ABCA1: variants seen among roughly 807,000 people sequenced by gnomAD.
ABCA1 encodes the protein phospholipid-transporting ATPase ABCA1.
Under a neutral mutation model 262.5 loss-of-function variants are expected in ABCA1, and 133 were observed. The observed-to-expected ratio is 0.51, with a 90% CI of 0.44 to 0.59. ABCA1 has a LOEUF of 0.59. Ranked by LOEUF, ABCA1 falls within the 20% of genes least tolerant of loss-of-function variation. The probability of loss-of-function intolerance (pLI) is 0.00; values close to 1 mark genes in which losing one functional copy is unlikely to be tolerated. For synonymous variants in ABCA1, 1,022 were observed against 1,043.5 expected, an observed-to-expected ratio of 0.98 and a Z score of 0.40; for missense variants, 2,452 against 2,777.5, an observed-to-expected ratio of 0.88 and a Z score of 2.63.
chr9:104,844,067 C>T (rs966581949), intron 8 of ABCA1, among the ~76,000 whole-genome samples: 5 of 148,780 alleles, frequency 3.4e-5, no homozygotes, highest in Admixed American at 1.3e-4. Flanking sequence ...TAAGTGAAAA[C>T]AGCTGTAACC....
At chr9:104,813,827 T>C (rs941589093) in intron 27 of ABCA1, among the ~76,000 whole-genome samples, 2 of 152,238 alleles carry the variant, frequency 1.3e-5, no homozygotes, top group African/African-American at 4.8e-5. Context: ...AAACACCTAA[T>C]GTATACAAGA....
intron 21 of ABCA1, 33 bp downstream of exon 21, chr9:104,819,894 G>C (rs1832154254): frequency 3.7e-6 from 6 of 1,610,126 alleles, no homozygotes; most frequent in Middle Eastern, 1.8e-4. Flanking sequence ...AGGAGGAGGG[G>C]AGAGGGATAG....
intron 3 of ABCA1, 62 bp downstream of exon 3, chr9:104,889,040 C>T (rs761122329): frequency 2.1e-6 from 3 of 1,449,826 alleles, no homozygotes; most frequent in African/African-American, 1.4e-5. Context: ...ATTTAGCCCA[C>T]GTTAATTGCC....
chr9:104,885,190 C>G (rs912218530), intron 3 of ABCA1, among the ~76,000 whole-genome samples: 12 of 152,092 alleles, frequency 7.9e-5, no homozygotes, highest in Admixed American at 7.9e-4. Flanking sequence ...GAGCCAAGAT[C>G]GCGCCATTTC....
intron 4 of ABCA1, among the ~76,000 whole-genome samples, chr9:104,884,013 T>A (rs1400927450): frequency 2.6e-5 from 4 of 152,188 alleles, no homozygotes; most frequent in Non-Finnish European, 5.9e-5. Flanking sequence ...GGTGACCTGA[T>A]GCAGAGAAGA....
chr9:104,897,541 AG>A (rs1840323994), intron 2 of ABCA1, among the ~76,000 whole-genome samples: 1 of 152,254 alleles, frequency 6.6e-6, no homozygotes, highest in Non-Finnish European at 1.5e-5. Context: ...CACAGCTATC[AG>A]GAATGTCAAA....
At chr9:104,819,160 A>G (rs146678003) in intron 22 of ABCA1, among the ~76,000 whole-genome samples, 269 of 152,270 alleles carry the variant, frequency 1.8e-3, no homozygotes, top group African/African-American at 6.2e-3. Context: ...ATTTAATTTA[A>G]TCCTCTATGA....
chr9:104,889,755 C>G (rs1839546267), intron 2 of ABCA1, among the ~76,000 whole-genome samples: 1 of 152,172 alleles, frequency 6.6e-6, no homozygotes, highest in African/African-American at 2.4e-5. Context: ...TCTAATTGCA[C>G]ACAAAGCTGC....
At chr9:104,801,171 G>A (rs1830303160) in intron 34 of ABCA1, among the ~76,000 whole-genome samples, 1 of 151,032 alleles carries the variant, frequency 6.6e-6, no homozygotes. Context: ...AGCAAAGTAT[G>A]TTTGAAACCC....
chr9:104,835,867 C>T (rs1244162763), intron 11 of ABCA1, among the ~76,000 whole-genome samples: 1 of 152,132 alleles, frequency 6.6e-6, no homozygotes, highest in Non-Finnish European at 1.5e-5. Context: ...ATCTACTTGC[C>T]CACAAATCAA....
intron 11 of ABCA1, among the ~76,000 whole-genome samples, chr9:104,833,488 T>C (rs1396148112): frequency 6.6e-6 from 1 of 152,166 alleles, no homozygotes; most frequent in African/African-American, 2.4e-5. Flanking sequence ...GTGAGTATCC[T>C]TTAATATTTC....
intron 7 of ABCA1, chr9:104,855,496 T>C (rs1230284644): frequency 1.7e-6 from 1 of 601,878 alleles, no homozygotes; most frequent in African/African-American, 1.9e-5. Context: ...TGAGCCACTG[T>C]GCCTGGCTGA....
intron 2 of ABCA1, among the ~76,000 whole-genome samples, chr9:104,894,096 A>G (rs1391713682): frequency 6.6e-6 from 1 of 152,018 alleles, no homozygotes; most frequent in Non-Finnish European, 1.5e-5. Flanking sequence ...ATCTACTGAC[A>G]CTTAAGTGTG....
chr9:104,830,638 C>T lies in ABCA1; in HGVS notation c.1892+287G>A, dbSNP rs907387076. ...CCGGGAGGCAAAGGTTGCAGTGAGC[C>T]GAGATCGAGCCACTGCACTCCAGCC... On this transcript the variant is annotated intron_variant, in intron 14 of 49. Coordinates refer to ENST00000374736, the MANE Select transcript of ABCA1 (RefSeq NM_005502.4). Among the ~76,000 whole-genome samples, 6 of 151,356 alleles carry T rather than the reference C, an allele frequency of 4.0e-5. No individual in the cohort carries two copies. The South Asian group carries it at 6.3e-4, about 16-fold the overall frequency.
chr9:104,883,163 A>C lies in ABCA1; in HGVS notation c.303-6T>G. 6.2e-7 allele frequency: 1 copy of C among 1,612,458 alleles called. No homozygotes were observed. Among genetic ancestry groups the C allele is most frequent in the Non-Finnish European group, 8.5e-7 (1 of 1,178,776 alleles). On this transcript the variant is annotated splice_region_variant and splice_polypyrimidine_tract_variant and intron_variant, in intron 4 of 49. Transcript: ENST00000374736. ...CTGAGAACAGGCGAGCCACACTGTA[A>C]AGGGTGCAAGAAAAGGCGAAAGGCT...
chr9:104,872,505 A>G (rs1837711804), intron 5 of ABCA1, among the ~76,000 whole-genome samples: 1 of 152,222 alleles, frequency 6.6e-6, no homozygotes, highest in Non-Finnish European at 1.5e-5. Context: ...ATCTTGGACA[A>G]CAGACATTAC....
At chr9:104,831,145 A>C in intron 13 of ABCA1, 44 bp from the exon 14 acceptor site, 1 of 1,397,478 alleles carries the variant, frequency 7.2e-7, no homozygotes, top group South Asian at 1.3e-5. Context: ...TTAGAACCAT[A>C]CAATAAAAAA....
rs56710442 is a variant in ABCA1, at chr9:104,896,711, C to CTTTTTTTTTTTTTTTTTT, written c.66+6885_66+6902dup. Among the ~76,000 whole-genome samples, 3 of 37,010 alleles carry CTTTTTTTTTTTTTTTTTT rather than the reference C, an allele frequency of 8.1e-5. 1 individual carries two copies. Among genetic ancestry groups the CTTTTTTTTTTTTTTTTTT allele is most frequent in the African/African-American group, 3.2e-4 (3 of 9,462 alleles). 24.3% of individuals were successfully genotyped at this position (37,010 alleles called of 152,430 possible). A position where few individuals can be genotyped will look rare whatever the true frequency, so the allele number is the denominator to read the frequency against. ...AACTCCAAAATTGCTCCCTACACAT[C>CTTTTTTTTTTTTTTTTTT]TTTTTTTTTTTTTTTTTTTTTTTTT... is the stretch of plus-strand genomic sequence containing the variant. On this transcript the variant is annotated intron_variant, in intron 2 of 49. Coordinates refer to ENST00000374736, the MANE Select transcript of ABCA1 (RefSeq NM_005502.4).
chr9:104,797,004 T>C (rs897003483), intron 37 of ABCA1, among the ~76,000 whole-genome samples: 13 of 152,188 alleles, frequency 8.5e-5, no homozygotes, highest in African/African-American at 2.2e-4. Context: ...AGGGAAGTGA[T>C]AGTGGGGCTT....
Sources: gnomAD v4.1 joint callset for allele counts (sites outside exome capture counted in the v4.1 genomes callset) on GRCh38, gnomAD v4.1.1 for gene constraint, MANE v1.5 for transcripts, NCBI Gene and HGNC (gene_info 2026-07-23, HGNC 2026-07-21) for gene names.